Variants in C1orf141 observed in about 807,000 individuals in gnomAD.
The protein encoded by C1orf141 is uncharacterized protein C1orf141.
A neutral mutation model predicts 23.2 loss-of-function variants in C1orf141; 19 were observed. The observed-to-expected ratio is 0.82, with a 90% CI of 0.57 to 1.20. The LOEUF (loss-of-function observed/expected upper bound fraction) is 1.20. C1orf141 is among the 50% of genes most tolerant of loss of function. The pLI, the probability that C1orf141 is intolerant of heterozygous loss-of-function variation, is 0.00. For missense variants in C1orf141, 469 were observed against 455.1 expected (o/e 1.03, Z -0.28); for synonymous variants, 153 against 154.6 (o/e 0.99, Z 0.08).
At chr1:67,111,159 T>C (rs17129655) in intron 5 of C1orf141, among the ~76,000 whole-genome samples, 14,875 of 151,868 alleles carry the variant, frequency 0.098, 1,146 homozygotes, top group African/African-American at 0.21. Flanking sequence ...TGGTAGTTGC[T>C]ATTGCAATTA....
intron 5 of C1orf141, among the ~76,000 whole-genome samples, chr1:67,112,580 T>C (rs1015716709): frequency 6.6e-6 from 1 of 152,064 alleles, no homozygotes; most frequent in Non-Finnish European, 1.5e-5. Flanking sequence ...GGTGTGTCTG[T>C]AGTCTCAGCT....
intron 2 of C1orf141, among the ~76,000 whole-genome samples, chr1:67,130,743 A>T (rs191057248): frequency 1.2e-3 from 189 of 152,366 alleles, no homozygotes; most frequent in African/African-American, 4.4e-3. Context: ...GGTCAACAAC[A>T]GTTTTATGAA....
chr1:67,110,623 A>C (rs1242061115), intron 5 of C1orf141, among the ~76,000 whole-genome samples: 1 of 152,076 alleles, frequency 6.6e-6, no homozygotes, highest in Admixed American at 6.5e-5. Context: ...TGCATTTAAA[A>C]TATCACATGG....
At chr1:67,128,967 C>T (rs976628326) in intron 2 of C1orf141, among the ~76,000 whole-genome samples, 3 of 152,008 alleles carry the variant, frequency 2.0e-5, no homozygotes, top group African/African-American at 7.3e-5. Flanking sequence ...ATTCAGGATC[C>T]GATGCCAAAA....
intron 5 of C1orf141, among the ~76,000 whole-genome samples, chr1:67,106,647 G>A (rs747156099): frequency 3.9e-5 from 6 of 152,040 alleles, no homozygotes; most frequent in Admixed American, 1.3e-4. Flanking sequence ...GACAGAGCAC[G>A]ACTTCATCTA....
chr1:67,095,387 T>C lies in C1orf141; in HGVS notation c.451A>G (p.Lys151Glu), dbSNP rs767742354. The C allele has an allele frequency of 1.3e-6, 2 of 1,561,716 alleles. No homozygotes were observed. The highest frequency in any genetic ancestry group is 1.7e-6 in the Non-Finnish European group (2 of 1,147,644). ...TAATTTCTGACCGATTTGTTTTCTT[T>C]TATATTAAAATCGTTCATCTGTGGA... ...KSPQMNDFNI[K>E]ENKSVRNYQL... is the part of the protein sequence containing the mutation. The change falls in exon 7 of 8, where the codon AAA (lysine) becomes GAA (glutamate). Residue 151 changes from lysine to glutamate, a missense_variant. Physicochemically the swap from Lys to Glu is moderately conservative, Grantham distance 56. Around this residue, in one of 3 missense-constraint regions of C1orf141, gnomAD observed 370 missense variants for 348.1 expected, o/e 1.06. Coordinates refer to ENST00000684719, the MANE Select transcript of C1orf141 (RefSeq NM_001276351.2).
intron 5 of C1orf141, chr1:67,113,807 G>T: frequency 1.3e-6 from 1 of 766,488 alleles, no homozygotes; most frequent in Non-Finnish European, 1.9e-6. Flanking sequence ...CTACCATTAT[G>T]GAAGGCCAGG....
At chr1:67,119,845 A>G (rs1646265255) in intron 4 of C1orf141, among the ~76,000 whole-genome samples, 1 of 152,244 alleles carries the variant, frequency 6.6e-6, no homozygotes, top group Non-Finnish European at 1.5e-5. Context: ...AGACAAGGGA[A>G]GAAGGACCTC....
chr1:67,131,445 T>C (rs949002742), intron 1 of C1orf141, among the ~76,000 whole-genome samples: 6 of 152,004 alleles, frequency 3.9e-5, no homozygotes, highest in African/African-American at 1.4e-4. Context: ...CGCAATGCCA[T>C]CAGAGCTGTC....
At chr1:67,109,154 C>A (rs559945536) in intron 5 of C1orf141, among the ~76,000 whole-genome samples, 4 of 151,912 alleles carry the variant, frequency 2.6e-5, no homozygotes, top group Admixed American at 2.0e-4. Context: ...GGTGAAACCC[C>A]GTCTCTACTA....
At chr1:67,114,911 G>A (rs1570710141) in intron 5 of C1orf141, among the ~76,000 whole-genome samples, 3 of 152,292 alleles carry the variant, frequency 2.0e-5, no homozygotes. Flanking sequence ...CCTGACCTCA[G>A]GGGATCCACC....
intron 4 of C1orf141, among the ~76,000 whole-genome samples, chr1:67,120,710 A>G (rs1369195915): frequency 6.6e-6 from 1 of 152,194 alleles, no homozygotes; most frequent in East Asian, 1.9e-4. Context: ...CTCACCAGAC[A>G]CTGATCTTGG....
At chr1:67,135,265 C>T (rs1646575437), upstream of C1orf141, among the ~76,000 whole-genome samples, 3 of 152,212 alleles carry the variant, frequency 2.0e-5, no homozygotes, top group Admixed American at 6.5e-5. Flanking sequence ...TCCTTTTGTG[C>T]TTTCCTGGAA....
At chr1:67,097,243 CAAG>C (rs1645702209) in intron 5 of C1orf141, among the ~76,000 whole-genome samples, 1 of 152,072 alleles carries the variant, frequency 6.6e-6, no homozygotes, top group Non-Finnish European at 1.5e-5. Flanking sequence ...ACAACAAAAA[CAAG>C]TAAACCAACC....
intron 5 of C1orf141, among the ~76,000 whole-genome samples, chr1:67,098,695 TTTAA>T (rs1227838136): frequency 1.3e-5 from 2 of 152,182 alleles, no homozygotes; most frequent in African/African-American, 4.8e-5. Flanking sequence ...TGCGTCATAG[TTTAA>T]TTAACAGTGT....
intron 5 of C1orf141, among the ~76,000 whole-genome samples, chr1:67,110,149 A>G (rs974036686): frequency 6.6e-6 from 1 of 152,166 alleles, no homozygotes; most frequent in African/African-American, 2.4e-5. Flanking sequence ...AGTTGACTTA[A>G]AAAATGTGAA....
At chr1:67,136,604 C>T (rs1428488824), upstream of C1orf141, among the ~76,000 whole-genome samples, 8 of 152,254 alleles carry the variant, frequency 5.3e-5, no homozygotes, top group Non-Finnish European at 8.8e-5. Context: ...ATCATTATCT[C>T]AGTTAATATT....
chr1:67,097,058 T>C (rs1263620931), intron 5 of C1orf141, among the ~76,000 whole-genome samples: 2 of 151,904 alleles, frequency 1.3e-5, no homozygotes, highest in East Asian at 3.9e-4. Flanking sequence ...AGGGAGGAAA[T>C]GGTCAATAAA....
intron 4 of C1orf141, among the ~76,000 whole-genome samples, chr1:67,116,216 A>G (rs1425261914): frequency 6.6e-6 from 1 of 152,118 alleles, no homozygotes; most frequent in South Asian, 2.1e-4. Flanking sequence ...CCCCTTCCTG[A>G]TCTTCTCCTC....
Sources: allele counts gnomAD v4.1 joint callset (sites outside exome capture counted in the v4.1 genomes callset), GRCh38; gene constraint gnomAD v4.1.1; regional missense constraint gnomAD v4.1.1; transcripts MANE v1.5; gene names NCBI Gene and HGNC (gene_info 2026-07-23, HGNC 2026-07-21).